IKBKG: variants seen among roughly 807,000 people sequenced by gnomAD.
IKBKG encodes NF-kappa-B essential modulator.
In IKBKG, 2 loss-of-function variants were observed where a neutral mutation model predicts 13.7. The ratio of observed to expected loss-of-function variants is 0.15; its 90% confidence interval spans 0.06 to 0.46. IKBKG has a LOEUF of 0.46. Ranked by LOEUF, IKBKG falls within the 20% of genes least tolerant of loss-of-function variation. The pLI is 0.98. For missense variants in IKBKG, 53 were observed against 150.3 expected, an observed-to-expected ratio of 0.35 and a Z score of 3.39; for synonymous variants, 22 against 64.4, an observed-to-expected ratio of 0.34 and a Z score of 3.15.
intron 1 of IKBKG, chrX:154,542,127 A>G (rs1458635019): frequency 6.7e-6 from 3 of 446,895 alleles, no homozygotes; most frequent in Non-Finnish European, 1.1e-5. Flanking sequence ...CAACATCATC[A>G]TGACACAGCA....
chrX:154,547,400 C>G, upstream of IKBKG: 1 of 754,442 alleles, frequency 1.3e-6, no homozygotes, highest in East Asian at 1.5e-4. Flanking sequence ...CTAGACGCCG[C>G]CGTCCGAGAG....
upstream of IKBKG, chrX:154,546,138 G>A: frequency 8.3e-7 from 1 of 1,211,832 alleles, no homozygotes; most frequent in East Asian, 3.0e-5. Flanking sequence ...TCCGGCTCAG[G>A]GCCACCTGCT....
intron 2 of IKBKG, among the ~76,000 whole-genome samples, chrX:154,552,903 C>T (rs1042375533): frequency 5.3e-5 from 6 of 112,195 alleles, no homozygotes; most frequent in Non-Finnish European, 5.7e-5. Flanking sequence ...ATGGCACCCC[C>T]AGCCCCTGCC....
At chrX:154,544,924 T>A (rs1462754361), upstream of IKBKG, among the ~76,000 whole-genome samples, 3 of 112,357 alleles carry the variant, frequency 2.7e-5, no homozygotes, top group East Asian at 5.6e-4. Flanking sequence ...AACTAACTAG[T>A]TTTGATAGAG....
chrX:154,546,655 TA>T, upstream of IKBKG: 1 of 533,597 alleles, frequency 1.9e-6, no homozygotes, highest in Non-Finnish European at 2.9e-6. Context: ...GTGCGGGGTA[TA>T]AAGGGATTGG....
upstream of IKBKG, among the ~76,000 whole-genome samples, chrX:154,543,513 G>C (rs1400705468): frequency 8.9e-6 from 1 of 111,954 alleles, no homozygotes; most frequent in Non-Finnish European, 1.9e-5. Context: ...TGAAGGCCAG[G>C]AGTCATAAGC....
intron 2 of IKBKG, among the ~76,000 whole-genome samples, chrX:154,555,500 G>A (rs781932378): frequency 5.9e-4 from 67 of 112,932 alleles, no homozygotes; most frequent in Non-Finnish European, 1.1e-3. Flanking sequence ...TGAGGCCAAC[G>A]ATGTGAGACC....
In IKBKG at chrX:154,562,851, C is replaced by T. The variant is rs1284454457; in HGVS notation, c.810C>T (p.Ala270=). ...ATCTCAAACAGCAGCTCCAGCAGGC[C>T]GAGGAGGCCCTGGTGGCCAAACAGG... The part of the protein sequence containing the change: ...LEDLKQQLQQ[A]EEALVAKQEV... The change falls in exon 7 of 10, where the codon GCC becomes GCT. Residue 270 remains alanine, a synonymous_variant. Coordinates refer to ENST00000594239, the MANE Select transcript of IKBKG (RefSeq NM_001099857.5). 3.8e-5 allele frequency: 12 copies of T among 316,099 alleles called. No homozygotes were observed. The highest frequency in any genetic ancestry group is 5.4e-5 in the Non-Finnish European group (10 of 184,317). 26.1% of individuals were successfully genotyped at this position (316,099 alleles called of 1,213,427 possible). A position where few individuals can be genotyped will look rare whatever the true frequency, so the allele number is the denominator to read the frequency against.
upstream of IKBKG, among the ~76,000 whole-genome samples, chrX:154,546,435 C>A (rs1209011487): frequency 8.9e-6 from 1 of 112,315 alleles, no homozygotes; most frequent in Non-Finnish European, 1.9e-5. Flanking sequence ...AGCATCAATT[C>A]TGGACAACCG....
chrX:154,546,988 G>A (rs1293870244), upstream of IKBKG: 2 of 256,328 alleles, frequency 7.8e-6, no homozygotes, highest in Non-Finnish European at 1.3e-5. Context: ...GAGGGCAGGT[G>A]CGCGCGCATC....
chrX:154,542,682 C>T (rs1171914248), upstream of IKBKG, among the ~76,000 whole-genome samples: 1 of 111,998 alleles, frequency 8.9e-6, no homozygotes, highest in Non-Finnish European at 1.9e-5. Context: ...CAGCCACTTG[C>T]CTGCTTTCAG....
chrX:154,546,896 G>GC (rs1557233632), upstream of IKBKG: 1 of 942,905 alleles, frequency 1.1e-6, no homozygotes, highest in South Asian at 2.9e-5. Context: ...GGGGGCGGGC[G>GC]CCTGGGCTGA....
intron 2 of IKBKG, among the ~76,000 whole-genome samples, chrX:154,554,041 T>C (rs2071001981): frequency 8.9e-6 from 1 of 112,442 alleles, no homozygotes; most frequent in Non-Finnish European, 1.9e-5. Flanking sequence ...CTGTATTGAC[T>C]CCCCCTGCTC....
At chrX:154,543,025 A>C (rs1162493044), upstream of IKBKG, among the ~76,000 whole-genome samples, 1 of 111,935 alleles carries the variant, frequency 8.9e-6, no homozygotes, top group African/African-American at 3.3e-5. Flanking sequence ...ACGTGCCCTC[A>C]AGTGCCACCC....
intron 1 of IKBKG, among the ~76,000 whole-genome samples, chrX:154,551,392 T>A (rs1484553369): frequency 1.8e-5 from 2 of 110,922 alleles, no homozygotes; most frequent in African/African-American, 6.6e-5. Context: ...TGTGGCTGCC[T>A]CACTCCAGTC....
chrX:154,549,208 C>G (rs1378505074), intron 1 of IKBKG, among the ~76,000 whole-genome samples: 2 of 109,161 alleles, frequency 1.8e-5, no homozygotes, highest in Non-Finnish European at 3.8e-5. Context: ...GTCTTGATCT[C>G]TTGACCTTGT....
upstream of IKBKG, chrX:154,546,286 C>T: frequency 4.2e-6 from 4 of 947,830 alleles, no homozygotes; most frequent in Non-Finnish European, 6.0e-6. Context: ...CAAATCACTC[C>T]TTGTGAACGG....
chrX:154,547,488 G>A (rs2070777699), upstream of IKBKG: 8 of 755,214 alleles, frequency 1.1e-5, no homozygotes, highest in Non-Finnish European at 1.3e-5. Flanking sequence ...CGGGCCTGCA[G>A]AGCCTGGCGG....
Position 154,555,466 on chromosome X carries a change from G to A in IKBKG, c.188-699G>A, listed in dbSNP as rs370722255. 8.9e-5 allele frequency among the ~76,000 whole-genome samples: 10 copies of A among 112,975 alleles called. No individual in the cohort carries two copies. The South Asian group carries it at 1.8e-3, about 20-fold the overall frequency. On this transcript the variant is annotated intron_variant, in intron 2 of 9. Transcript: ENST00000594239. ...CCATGCCTATAATCCCAGCACTTTC[G>A]GAGGCCGAGGTGGGAGGATTGCTTG...
Sources: gnomAD v4.1 joint callset for allele counts (sites outside exome capture counted in the v4.1 genomes callset) on GRCh38, gnomAD v4.1.1 for gene constraint, MANE v1.5 for transcripts, NCBI Gene and HGNC (gene_info 2026-07-23, HGNC 2026-07-21) for gene names.